Variants in XCR1 observed in about 807,000 individuals in gnomAD.
XCR1 encodes the protein chemokine XC receptor 1.
For synonymous variants in XCR1, 187 were observed against 188.5 expected (o/e 0.99, Z 0.06); for missense variants, 356 against 424.2 (o/e 0.84, Z 1.41).
intron 1 of XCR1, among the ~76,000 whole-genome samples, chr3:46,025,998 A>G (rs1708280051): frequency 6.6e-6 from 1 of 152,230 alleles, no homozygotes; most frequent in Admixed American, 6.5e-5. Flanking sequence ...AGTTTATCCC[A>G]GAAATATGAG....
In XCR1 at chr3:46,038,092, A is replaced by G. The variant is rs1210441273; in HGVS notation, c.-32+15828T>C. On this transcript the variant is annotated intron_variant, in intron 5 of 5. Coordinates refer to the XCR1 transcript ENST00000683768. ...ACCCAGGCTGGAGTGCAATGGTGCA[A>G]TCTTGGCTCACTGCAAACTCTGCCT... 4.0e-5 allele frequency among the ~76,000 whole-genome samples: 6 copies of G among 150,250 alleles called. 1 individual carries two copies. Among genetic ancestry groups the G allele is most frequent in the Admixed American group, 3.3e-4 (5 of 14,954 alleles).
chr3:46,074,431 G>T (rs1698219798), intron 3 of XCR1, among the ~76,000 whole-genome samples: 1 of 151,994 alleles, frequency 6.6e-6, no homozygotes. Context: ...CATGGACATA[G>T]AATGTGGAGT....
intron 4 of XCR1, among the ~76,000 whole-genome samples, chr3:46,065,474 C>A (rs1033939400): frequency 2.0e-5 from 3 of 152,254 alleles, no homozygotes; most frequent in Non-Finnish European, 4.4e-5. Context: ...GCTCCGGCAG[C>A]TGAGCTGTTC....
chr3:46,038,822 AG>A (rs1296944623), intron 5 of XCR1, among the ~76,000 whole-genome samples: 3 of 152,216 alleles, frequency 2.0e-5, no homozygotes, highest in Non-Finnish European at 4.4e-5. Context: ...CAACAATTTG[AG>A]TTGGTTTTAC....
At chr3:46,046,802 C>T (rs1167321239) in intron 5 of XCR1, among the ~76,000 whole-genome samples, 2 of 152,180 alleles carry the variant, frequency 1.3e-5, no homozygotes, top group Non-Finnish European at 2.9e-5. Flanking sequence ...GTCCAGTCTT[C>T]TAAAGAAGGC....
At chr3:46,033,532 G>C (rs1031626064) in intron 5 of XCR1, among the ~76,000 whole-genome samples, 1 of 152,138 alleles carries the variant, frequency 6.6e-6, no homozygotes, top group Admixed American at 6.5e-5. Flanking sequence ...TGTTCTGCTA[G>C]TATACTTTCA....
chr3:46,074,475 A>G (rs917187890), intron 3 of XCR1, among the ~76,000 whole-genome samples: 1 of 152,076 alleles, frequency 6.6e-6, no homozygotes, highest in Admixed American at 6.6e-5. Flanking sequence ...AACGGGAGGT[A>G]GTGGTGGGGG....
intron 5 of XCR1, among the ~76,000 whole-genome samples, chr3:46,045,994 A>G (rs916500611): frequency 6.6e-6 from 1 of 152,260 alleles, no homozygotes; most frequent in Non-Finnish European, 1.5e-5. Flanking sequence ...GATTGGATAA[A>G]GAAAATGTAG....
intron 2 of XCR1, among the ~76,000 whole-genome samples, chr3:46,075,308 C>CAAAAAAAAAAAAAAAAAAAAAAAAA (rs56787185): frequency 4.2e-4 from 26 of 61,656 alleles, no homozygotes; most frequent in Middle Eastern, 0.017. Context: ...GCTCATAGAC[C>CAAAAAAAAAAAAAAAAAAAAAAAAA]AAAAAAAAAA....
At chr3:46,085,211 TAA>T (rs11294019) in intron 1 of XCR1, among the ~76,000 whole-genome samples, 319 of 137,310 alleles carry the variant, frequency 2.3e-3, no homozygotes, top group African/African-American at 3.4e-3. Flanking sequence ...CATATATTAT[TAA>T]AAAAAAAAAA....
chr3:46,071,615 T>A (rs1347504925), intron 3 of XCR1, among the ~76,000 whole-genome samples: 1 of 152,150 alleles, frequency 6.6e-6, no homozygotes, highest in Non-Finnish European at 1.5e-5. Context: ...TACAGGATGA[T>A]CAACTGGGTT....
intron 1 of XCR1, among the ~76,000 whole-genome samples, chr3:46,084,344 A>G (rs1019747446): frequency 3.3e-5 from 5 of 152,258 alleles, no homozygotes; most frequent in Admixed American, 2.6e-4. Context: ...TTTTAATCAT[A>G]GGAATGTGAG....
At chr3:46,076,446 T>G (rs1415467364) in intron 2 of XCR1, among the ~76,000 whole-genome samples, 1 of 152,134 alleles carries the variant, frequency 6.6e-6, no homozygotes, top group African/African-American at 2.4e-5. Context: ...ATTATTAATA[T>G]ATTTTGTGCC....
At chr3:46,050,138 AAAAGC>A (rs1334058851) in intron 5 of XCR1, among the ~76,000 whole-genome samples, 2 of 152,244 alleles carry the variant, frequency 1.3e-5, no homozygotes, top group Non-Finnish European at 2.9e-5. Flanking sequence ...AAGAATAAAC[AAAAGC>A]AAAGGTTTTT....
intron 4 of XCR1, among the ~76,000 whole-genome samples, chr3:46,055,704 A>G (rs903028919): frequency 2.8e-4 from 43 of 152,218 alleles, no homozygotes; most frequent in Admixed American, 2.6e-3. Flanking sequence ...CAGTTACAGT[A>G]CCTCAGAGGG....
At position 46,017,547 on chromosome 3, in the gene XCR1, C is replaced by G. The variant is rs1708065724; in HGVS notation, c.*3399G>C. ...AGGCCAAAAGATGGTCTCCTGTTAA[C>G]TCACTCAACCAACCACAAACATTGC... On this transcript the variant is annotated 3_prime_UTR_variant, in exon 2 of 2. Transcript: ENST00000309285. 6.6e-6 allele frequency: 1 copy of G among 152,208 alleles called. No homozygotes were observed. The highest frequency in any genetic ancestry group is 1.5e-5 in the Non-Finnish European group (1 of 68,070). 9.4% of individuals were successfully genotyped at this position (152,208 alleles called of 1,614,324 possible). A position where few individuals can be genotyped will look rare whatever the true frequency, so the allele number is the denominator to read the frequency against.
At chr3:46,030,051 T>G (rs1006564051), upstream of XCR1, among the ~76,000 whole-genome samples, 4 of 146,050 alleles carry the variant, frequency 2.7e-5, no homozygotes, top group Admixed American at 6.8e-5. Context: ...TTTTTGTTTT[T>G]GTTTTTGTTT....
intron 1 of XCR1, among the ~76,000 whole-genome samples, chr3:46,078,734 G>C (rs1698304827): frequency 6.6e-6 from 1 of 152,218 alleles, no homozygotes; most frequent in South Asian, 2.1e-4. Context: ...AAGTGCATGA[G>C]AGTGAGTTCT....
At chr3:46,022,070 G>A in intron 1 of XCR1, 92 bp from the exon 2 acceptor site, 1 of 1,129,942 alleles carries the variant, frequency 8.9e-7, no homozygotes, top group South Asian at 1.6e-5. Context: ...AAGGCCAAAG[G>A]GAGAGGATTG....
Sources: allele counts gnomAD v4.1 joint callset (sites outside exome capture counted in the v4.1 genomes callset), GRCh38; gene constraint gnomAD v4.1.1; transcripts MANE v1.5; gene names NCBI Gene and HGNC (gene_info 2026-07-23, HGNC 2026-07-21).